The following FSTL5 variants were observed in gnomAD, a reference collection of about 807,000 sequenced individuals.
FSTL5 encodes the protein follistatin-related protein 5.
In FSTL5, 62 loss-of-function variants were observed where a neutral mutation model predicts 89.1. That is an observed-to-expected ratio of 0.70 (90% CI 0.57 to 0.86). The LOEUF (loss-of-function observed/expected upper bound fraction) is 0.86, where lower values mean the gene tolerates loss of function less well. Ranked by LOEUF, FSTL5 falls within the 40% of genes least tolerant of loss-of-function variation. The pLI, the probability that FSTL5 is intolerant of heterozygous loss-of-function variation, is 0.00. For missense variants in FSTL5, 1,057 were observed against 1,001.6 expected, an observed-to-expected ratio of 1.06 and a Z score of -0.75; for synonymous variants, 383 against 346.2, an observed-to-expected ratio of 1.11 and a Z score of -1.18.
At chr4:161,712,524 G>T (rs1053458358) in intron 6 of FSTL5, among the ~76,000 whole-genome samples, 1 of 152,092 alleles carries the variant, frequency 6.6e-6, no homozygotes, top group African/African-American at 2.4e-5. Context: ...ACAAAATCAG[G>T]TAATCAATGC....
intron 4 of FSTL5, among the ~76,000 whole-genome samples, chr4:161,798,474 C>G (rs963670601): frequency 5.4e-5 from 8 of 146,852 alleles, no homozygotes; most frequent in African/African-American, 2.0e-4. Context: ...CATTGTAATA[C>G]TTTTTTTTTT....
At chr4:161,481,202 A>G (rs1729492701) in intron 12 of FSTL5, 33 bp from the exon 13 acceptor site, 3 of 1,547,460 alleles carry the variant, frequency 1.9e-6, no homozygotes, top group African/African-American at 1.4e-5. Flanking sequence ...TGAAATTTAT[A>G]CCTTAAATTA....
At chr4:161,832,004 T>A (rs868274397) in intron 4 of FSTL5, among the ~76,000 whole-genome samples, 1 of 152,016 alleles carries the variant, frequency 6.6e-6, no homozygotes, top group Admixed American at 6.6e-5. Context: ...TCACTGAACA[T>A]ATTCTTGCTA....
At position 162,075,634 on chromosome 4, in the gene FSTL5, C is replaced by T. The variant is rs559857455; in HGVS notation, c.126+35637G>A. ...ATTAGTCTGCACAGTTTCATGGATA[C>T]TGATAGAGGACATCAGTCTCCTGAA... On this transcript the variant is annotated intron_variant, in intron 2 of 15. Coordinates refer to ENST00000306100, the MANE Select transcript of FSTL5 (RefSeq NM_020116.5). Among the ~76,000 whole-genome samples, 7 of 151,992 alleles carry T rather than the reference C, an allele frequency of 4.6e-5. No individual in the cohort carries two copies. The East Asian group carries it at 1.4e-3, about 30-fold the overall frequency.
In FSTL5 at chr4:161,939,379, T is replaced by C. The variant is rs1734516957; in HGVS notation, c.161-18727A>G. 1.3e-5 allele frequency among the ~76,000 whole-genome samples: 2 copies of C among 152,038 alleles called. 1 individual carries two copies. The highest frequency in any genetic ancestry group is 4.1e-4 in the South Asian group (2 of 4,834). On this transcript the variant is annotated intron_variant, in intron 3 of 15. Transcript: ENST00000306100. ...AATCATATTGAAATATTTGTAAATA[T>C]AAGAGCTTTCTTTTTACTCTCTGTA...
At chr4:162,045,315 C>T (rs1738129291) in intron 2 of FSTL5, among the ~76,000 whole-genome samples, 1 of 152,040 alleles carries the variant, frequency 6.6e-6, no homozygotes, top group East Asian at 1.9e-4. Flanking sequence ...AACAGCCGGT[C>T]TGGCAGAGCA....
At chr4:161,873,873 G>A (rs750247671) in intron 4 of FSTL5, among the ~76,000 whole-genome samples, 2 of 151,852 alleles carry the variant, frequency 1.3e-5, no homozygotes, top group Admixed American at 6.6e-5. Context: ...TGGCTATAGT[G>A]CATTCATTTT....
At chr4:161,898,266 G>T (rs1733234253) in intron 4 of FSTL5, among the ~76,000 whole-genome samples, 1 of 151,204 alleles carries the variant, frequency 6.6e-6, no homozygotes, top group Admixed American at 6.6e-5. Context: ...TTTATAGTAA[G>T]AATATATCAC....
At chr4:161,437,581 A>AAAAAAAAAAAAAAAAAAAAAAAAAAC in intron 15 of FSTL5, among the ~76,000 whole-genome samples, 1 of 149,460 alleles carries the variant, frequency 6.7e-6, no homozygotes, top group African/African-American at 2.5e-5. Flanking sequence ...AAAAAAAAAA[A>AAAAAAAAAAAAAAAAAAAAAAAAAAC]ACGAGGTCAG....
At chr4:161,532,161 C>T (rs953657887) in intron 10 of FSTL5, among the ~76,000 whole-genome samples, 13 of 150,474 alleles carry the variant, frequency 8.6e-5, no homozygotes, top group South Asian at 4.2e-4. Context: ...GCGGAGATCA[C>T]GCCACTCCAG....
chr4:162,119,425 C>T (rs1445054150), intron 1 of FSTL5, among the ~76,000 whole-genome samples: 1 of 152,154 alleles, frequency 6.6e-6, no homozygotes, highest in Non-Finnish European at 1.5e-5. Context: ...TGCAACTAGC[C>T]ATGTGACTGC....
chr4:161,920,313 T>G, intron 4 of FSTL5, 91 bp downstream of exon 4: 1 of 1,302,758 alleles, frequency 7.7e-7, no homozygotes, highest in South Asian at 1.4e-5. Context: ...TTTAGACCCT[T>G]GCTGATATAA....
intron 2 of FSTL5, among the ~76,000 whole-genome samples, chr4:162,050,182 GT>G (rs1738333998): frequency 6.6e-6 from 1 of 151,614 alleles, no homozygotes; most frequent in African/African-American, 2.4e-5. Context: ...GAATTGAAAG[GT>G]TTTTTAAAAT....
intron 6 of FSTL5, among the ~76,000 whole-genome samples, chr4:161,689,832 C>T (rs576828154): frequency 3.3e-5 from 5 of 152,102 alleles, no homozygotes; most frequent in Non-Finnish European, 7.4e-5. Context: ...CAACTGACAA[C>T]TACTAATCAG....
At chr4:161,421,265 C>T (rs1227728297) in intron 15 of FSTL5, among the ~76,000 whole-genome samples, 2 of 151,056 alleles carry the variant, frequency 1.3e-5, no homozygotes, top group Non-Finnish European at 1.5e-5. Flanking sequence ...GGCATGAACC[C>T]GGGAGGTGGA....
chr4:161,389,683 C>T (rs1450728159), intron 15 of FSTL5, among the ~76,000 whole-genome samples: 1 of 152,106 alleles, frequency 6.6e-6, no homozygotes, highest in Non-Finnish European at 1.5e-5. Flanking sequence ...CCAATTTCCT[C>T]ATCAGCAGGA....
At chr4:161,936,891 A>G (rs1021413976) in intron 3 of FSTL5, among the ~76,000 whole-genome samples, 3 of 152,176 alleles carry the variant, frequency 2.0e-5, no homozygotes, top group African/African-American at 7.2e-5. Context: ...TCTTTGAAGA[A>G]CTTTTTATGT....
At chr4:161,408,019 C>T (rs1342487076) in intron 15 of FSTL5, among the ~76,000 whole-genome samples, 2 of 152,064 alleles carry the variant, frequency 1.3e-5, no homozygotes, top group Non-Finnish European at 2.9e-5. Flanking sequence ...GAAGAAGAGC[C>T]CACACTCTCA....
intron 11 of FSTL5, among the ~76,000 whole-genome samples, chr4:161,503,723 T>C (rs1221700145): frequency 6.6e-6 from 1 of 151,928 alleles, no homozygotes; most frequent in Non-Finnish European, 1.5e-5. Flanking sequence ...ATATATATAG[T>C]GTTCAGATGG....
Sources: gnomAD v4.1 joint callset for allele counts (sites outside exome capture counted in the v4.1 genomes callset) on GRCh38, gnomAD v4.1.1 for gene constraint, MANE v1.5 for transcripts, NCBI Gene and HGNC (gene_info 2026-07-23, HGNC 2026-07-21) for gene names.